DIS3: variants seen among roughly 807,000 people sequenced by gnomAD.
The protein encoded by DIS3 is DIS3 exosome endoribonuclease and 3'-5' exoribonuclease.
Under a neutral mutation model 113.0 loss-of-function variants are expected in DIS3, and 103 were observed. The ratio of observed to expected loss-of-function variants is 0.91; its 90% CI spans 0.78 to 1.07. The LOEUF (loss-of-function observed/expected upper bound fraction) is 1.07. Ranked by LOEUF, DIS3 falls within the 50% of genes least tolerant of loss-of-function variation. The probability of loss-of-function intolerance (pLI) is 0.00; values close to 1 mark genes in which losing one functional copy is unlikely to be tolerated. For missense variants in DIS3, 1,121 were observed against 1,167.1 expected, an observed-to-expected ratio of 0.96 and a Z score of 0.58; for synonymous variants, 402 against 394.3, an observed-to-expected ratio of 1.02 and a Z score of -0.23.
At position 72,758,473 on chromosome 13, in the gene DIS3, T is replaced by C. The variant is rs1485023092; in HGVS notation, c.*1322A>G. On this transcript the variant is annotated 3_prime_UTR_variant, in exon 21 of 21. Transcript: ENST00000377767. ...ACACACTATCAACGGCAGAGTTGTGTACTATAGTTGCAATACAGACCATAG... is the reference window on the plus strand; with the variant it reads ...ACACACTATCAACGGCAGAGTTGTGCACTATAGTTGCAATACAGACCATAG... The C allele has an allele frequency of 9.7e-6, 2 of 205,778 alleles. No homozygotes were observed. Among genetic ancestry groups the C allele is most frequent in the Non-Finnish European group, 9.9e-6 (1 of 100,656 alleles). The allele number at this position is 205,778 out of a possible 1,614,324, so 12.7% of individuals were successfully genotyped here.
chr13:72,771,199 T>C (rs2033878954), intron 11 of DIS3, 54 bp from the exon 12 acceptor site: 4 of 1,393,580 alleles, frequency 2.9e-6, no homozygotes, highest in South Asian at 2.5e-5. Flanking sequence ...CATACATTTA[T>C]GTGAGGTTCT....
At position 72,759,627 on chromosome 13, in the gene DIS3, A is replaced by T. The variant is rs544201583; in HGVS notation, c.*168T>A. 1.7e-6 allele frequency: 1 copy of T among 576,794 alleles called. No homozygotes were observed. Among genetic ancestry groups the T allele is most frequent in the East Asian group, 2.9e-5 (1 of 34,774 alleles). 35.7% of individuals were successfully genotyped at this position (576,794 alleles called of 1,614,324 possible). ...CTGTTCAACCCAGAAGTATAGTAGT[A>T]TGATGGGTCAGATACAGTCAACTGT... On this transcript the variant is annotated 3_prime_UTR_variant, in exon 21 of 21. Coordinates refer to ENST00000377767, the MANE Select transcript of DIS3 (RefSeq NM_014953.5).
chr13:72,780,459 A>C (rs544080320), intron 2 of DIS3, among the ~76,000 whole-genome samples: 1 of 152,302 alleles, frequency 6.6e-6, no homozygotes, highest in Admixed American at 6.5e-5. Context: ...AACAAAATAG[A>C]AACTTCACAA....
rs2033477131 is a variant in DIS3 at position 72,756,477 on chromosome 13, A to C, written c.*3318T>G. ...CTGGCTACAGTTTTTTAATAGTACA[A>C]AAGTCAAGAAATAACACAATAGTGA... On this transcript the variant is annotated 3_prime_UTR_variant, in exon 21 of 21. Transcript: ENST00000377767. 6.6e-6 allele frequency: 1 copy of C among 152,228 alleles called. No homozygotes were observed. The highest frequency in any genetic ancestry group is 1.5e-5 in the Non-Finnish European group (1 of 68,068). 9.4% of individuals were successfully genotyped at this position (152,228 alleles called of 1,614,324 possible).
rs763077993 is a variant in DIS3, at chr13:72,772,874, T to C, written c.1240-35A>G. 13 of 1,549,296 alleles carry C rather than the reference T, an allele frequency of 8.4e-6. No individual in the cohort carries two copies. In the South Asian group the frequency reaches 1.6e-4, roughly 19 times the overall value. On this transcript the variant is annotated intron_variant, in intron 8 of 20. Transcript: ENST00000377767. The stretch of plus-strand genomic sequence containing the variant: ...AGAGGCATTATTAGAAACGCCTATT[T>C]TATAGCAAATTTACATCTTATCATA...
In DIS3 at chr13:72,778,381, C is replaced by T; in HGVS notation, c.387-1G>A. 4 of 1,535,976 alleles carry T rather than the reference C, an allele frequency of 2.6e-6. No homozygotes were observed. The highest frequency in any genetic ancestry group is 3.5e-6 in the Non-Finnish European group (4 of 1,128,378). ...CTGTTCTTGTTCTACATAGGTTTCTCTAAATGGAAAGAAAAAACGAAATAA... is the reference window on the plus strand; with the variant it reads ...CTGTTCTTGTTCTACATAGGTTTCTTTAAATGGAAAGAAAAAACGAAATAA... On this transcript the variant is annotated splice_acceptor_variant, in intron 2 of 20. Coordinates refer to ENST00000377767, the MANE Select transcript of DIS3 (RefSeq NM_014953.5). LOFTEE classifies it high-confidence loss of function.
Position 72,781,322 on chromosome 13 carries a change from G to GA in DIS3, c.228+282dup, listed in dbSNP as rs1353882994. 7.1e-6 allele frequency: 11 copies of GA among 1,551,092 alleles called. No individual in the cohort carries two copies. In the East Asian group the frequency reaches 2.2e-4, roughly 31 times the overall value. ...TGGGAGTCGCAGGCTGGAGGCCACA[G>GA]AAGCCCAGGTCCCCGGCCTCCAGGC... On this transcript the variant is annotated intron_variant, in intron 1 of 20. Transcript: ENST00000377767.
intron 15 of DIS3, 27 bp downstream of exon 15, chr13:72,765,945 C>G: frequency 6.5e-7 from 1 of 1,535,450 alleles, no homozygotes; most frequent in Non-Finnish European, 8.9e-7. Flanking sequence ...AAAATCTTAT[C>G]TAATGCCCAT....
intron 15 of DIS3, among the ~76,000 whole-genome samples, chr13:72,764,955 G>A (rs1011440379): frequency 1.3e-5 from 2 of 151,724 alleles, no homozygotes; most frequent in African/African-American, 4.8e-5. Flanking sequence ...CTACTATAAG[G>A]GATTGTTAGA....
intron 13 of DIS3, 77 bp downstream of exon 13, chr13:72,770,827 T>C: frequency 2.0e-6 from 2 of 1,010,924 alleles, no homozygotes; most frequent in Admixed American, 3.1e-5. Flanking sequence ...ATGTGAATCT[T>C]TAAAAAATTT....
In DIS3 at chr13:72,753,547, C is replaced by T. The variant is rs1371865053; in HGVS notation, c.*6248G>A. 1.2e-6 allele frequency: 1 copy of T among 815,138 alleles called. No individual in the cohort carries two copies. The highest frequency in any genetic ancestry group is 3.8e-4 in the Middle Eastern group (1 of 2,634). The allele number at this position is 815,138 out of a possible 1,614,324, so 50.5% of individuals were successfully genotyped here. ...GACTACCTTTTATATTTGTGCATTA[C>T]TTTTGAATTTTGTTCAACATGATCA... is the stretch of plus-strand genomic sequence containing the variant. On this transcript the variant is annotated 3_prime_UTR_variant, in exon 21 of 21. Coordinates refer to ENST00000377767, the MANE Select transcript of DIS3 (RefSeq NM_014953.5).
chr13:72,771,218 A>T, intron 11 of DIS3, 73 bp from the exon 12 acceptor site: 2 of 1,187,260 alleles, frequency 1.7e-6, no homozygotes, highest in Admixed American at 2.1e-5. Context: ...CTATTCTCAA[A>T]TAACATTAAT....
At chr13:72,770,798 T>G in intron 13 of DIS3, 106 bp downstream of exon 13, 1 of 472,874 alleles carries the variant, frequency 2.1e-6, no homozygotes, top group Non-Finnish European at 3.6e-6. Flanking sequence ...TATTTTTATA[T>G]ATGTGTATAT....
At chr13:72,763,824 G>T (rs1055158786) in intron 15 of DIS3, among the ~76,000 whole-genome samples, 3 of 152,116 alleles carry the variant, frequency 2.0e-5, no homozygotes, top group African/African-American at 7.2e-5. Flanking sequence ...ACTACTGCAT[G>T]AGTAAATCTT....
At position 72,773,779 on chromosome 13, in the gene DIS3, G is replaced by C. The variant is rs202067860; in HGVS notation, c.1144C>G (p.Arg382Gly). The C allele has an allele frequency of 6.2e-6, 10 of 1,613,924 alleles. No homozygotes were observed. The highest frequency in any genetic ancestry group is 2.2e-5 in the East Asian group (1 of 44,840). ...LFTPADKRIP[R>G]IRIETRQAST... ...GCCTGTCTGGTTTCTATGCGAATTC[G>C]AGGGATTCTCTTATCAGCAGGTGTA... The change falls in exon 8 of 21, where the codon CGA becomes GGA. Residue 382 changes from arginine (R) to glycine (G), a missense_variant. Around this residue, in one of 3 missense-constraint regions of DIS3, gnomAD observed 861 missense variants for 915.5 expected, o/e 0.94. Coordinates refer to ENST00000377767, the MANE Select transcript of DIS3 (RefSeq NM_014953.5).
Position 72,781,000 on chromosome 13 carries a change from C to A in DIS3, c.232G>T (p.Asp78Tyr), listed in dbSNP as rs930120865. The A allele has an allele frequency of 6.3e-7, 1 of 1,597,756 alleles. No homozygotes were observed. The highest frequency in any genetic ancestry group is 1.8e-5 in the Admixed American group (1 of 55,344). Reference sequence around the variant, plus strand: ...CTGATGGCAGGGTCCTCAAGAACATCAATCTTAAAGAAAGATAAAGTTAAT... The same window carrying A: ...CTGATGGCAGGGTCCTCAAGAACATAAATCTTAAAGAAAGATAAAGTTAAT... The part of the protein sequence containing the change: ...PDTNVLLHQI[D>Y]VLEDPAIRNV... The change falls in exon 2 of 21, where the codon GAT becomes TAT. Residue 78 changes from aspartate to tyrosine, a missense_variant. Asp to Tyr is a radical substitution (Grantham distance 160). Transcript: ENST00000377767.
chr13:72,777,844 C>A (rs1207232471), intron 3 of DIS3, among the ~76,000 whole-genome samples: 1 of 151,912 alleles, frequency 6.6e-6, no homozygotes, highest in Non-Finnish European at 1.5e-5. Flanking sequence ...GCCCTGACCT[C>A]CCAAAGTGCT....
rs781709757 is a variant in DIS3, at chr13:72,772,294, TAAAC to T, written c.1387-23_1387-20del. On this transcript the variant is annotated intron_variant, in intron 9 of 20. Coordinates refer to ENST00000377767, the MANE Select transcript of DIS3 (RefSeq NM_014953.5). ...TCATGTCCTAGAAGACATGAAATGA[TAAAC>T]AAATAAATTATTTCCAAAGCACAAC... is the stretch of plus-strand genomic sequence containing the variant. 11 of 1,546,844 alleles carry T rather than the reference TAAAC, an allele frequency of 7.1e-6. No homozygotes were observed. The highest frequency in any genetic ancestry group is 1.4e-5 in the African/African-American group (1 of 73,246).
chr13:72,780,997 C>A lies in DIS3; in HGVS notation c.235G>T (p.Val79Phe). The stretch of plus-strand genomic sequence containing the variant: ...TTCCTGATGGCAGGGTCCTCAAGAA[C>A]ATCAATCTTAAAGAAAGATAAAGTT... The part of the protein sequence containing the change: ...DTNVLLHQID[V>F]LEDPAIRNVI... The change falls in exon 2 of 21, where the codon GTT becomes TTT. Residue 79 changes from valine (V) to phenylalanine (F), a missense_variant. Coordinates refer to ENST00000377767, the MANE Select transcript of DIS3 (RefSeq NM_014953.5). 1 of 1,598,284 alleles carries A rather than the reference C, an allele frequency of 6.3e-7. No homozygotes were observed. Among genetic ancestry groups the A allele is most frequent in the Non-Finnish European group, 8.5e-7 (1 of 1,175,712 alleles).
Sources: allele counts gnomAD v4.1 joint callset (sites outside exome capture counted in the v4.1 genomes callset), GRCh38; gene constraint gnomAD v4.1.1; regional missense constraint gnomAD v4.1.1; transcripts MANE v1.5; gene names NCBI Gene and HGNC (gene_info 2026-07-23, HGNC 2026-07-21).